SYCP3: variants seen among roughly 807,000 people sequenced by gnomAD.
SYCP3 encodes synaptonemal complex protein 3.
SYCP3 carries 29 observed loss-of-function variants against 38.5 expected under a neutral mutation model. That is an observed-to-expected ratio of 0.75 (90% CI 0.56 to 1.03). SYCP3 has a LOEUF of 1.03. Among genes scored for constraint, SYCP3 ranks in the 50% least tolerant of loss-of-function variants. The pLI, the probability that SYCP3 is intolerant of heterozygous loss-of-function variation, is 0.00. For synonymous variants in SYCP3, 79 were observed against 80.3 expected (o/e 0.98, Z 0.08); for missense variants, 242 against 270.7 (o/e 0.89, Z 0.74).
At chr12:101,735,871 A>ATATATTTTTTTTTTTT in intron 4 of SYCP3, among the ~76,000 whole-genome samples, 1 of 74,788 alleles carries the variant, frequency 1.3e-5, no homozygotes, top group African/African-American at 6.3e-5. Context: ...ATATATATAT[A>ATATATTTTTTTTTTTT]TTTTTTTTTT....
At chr12:101,733,716 A>G in intron 5 of SYCP3, 42 bp from the exon 6 acceptor site, 8 of 1,562,666 alleles carry the variant, frequency 5.1e-6, no homozygotes, top group Non-Finnish European at 7.0e-6. Flanking sequence ...TTTCATACCA[A>G]TATAAAAAGA....
rs1166020415 is a variant in SYCP3 at position 101,737,091 on chromosome 12, T to C, written c.201-20A>G. 1 of 1,613,774 alleles carries C rather than the reference T, an allele frequency of 6.2e-7. No individual in the cohort carries two copies. The highest frequency in any genetic ancestry group is 8.5e-7 in the Non-Finnish European group (1 of 1,179,880). On this transcript the variant is annotated intron_variant, in intron 3 of 8. Coordinates refer to ENST00000392924, the MANE Select transcript of SYCP3 (RefSeq NM_001177949.2). ...TCACCCCTGGAAAGAAATTACATTT[T>C]AAACACTTTAGAAGATCCACAACAT... is the stretch of plus-strand genomic sequence containing the variant.
At chr12:101,739,188 T>A (rs1952611318) in intron 1 of SYCP3, 163 bp downstream of exon 1, 1 of 891,812 alleles carries the variant, frequency 1.1e-6, no homozygotes, top group Non-Finnish European at 1.3e-6. Flanking sequence ...CCGCCCGCTT[T>A]CCACTAGGCC....
chr12:101,735,869 A>ATT (rs1333301972), intron 4 of SYCP3, among the ~76,000 whole-genome samples: 740 of 60,084 alleles, frequency 0.012, 44 homozygotes, highest in Non-Finnish European at 0.017. Flanking sequence ...ATATATATAT[A>ATT]TATTTTTTTT....
At chr12:101,730,379 C>A in intron 7 of SYCP3, 2 of 369,378 alleles carry the variant, frequency 5.4e-6, no homozygotes, top group Non-Finnish European at 1.0e-5. Context: ...AAATCTTTAT[C>A]TAGTACTTTA....
Position 101,737,310 on chromosome 12 carries a change from A to G in SYCP3, c.134-12T>C, listed in dbSNP as rs371816500. 1.3e-6 allele frequency: 2 copies of G among 1,548,510 alleles called. No individual in the cohort carries two copies. Among genetic ancestry groups the G allele is most frequent in the African/African-American group, 3.2e-5 (2 of 61,910 alleles). ...GACTGCAGTCTTCCCTGTATTGACA[A>G]TTAAAAAAAAAAAAAAAAAGCTTTT... On this transcript the variant is annotated splice_polypyrimidine_tract_variant and intron_variant, in intron 2 of 8. Transcript: ENST00000392924.
intron 7 of SYCP3, among the ~76,000 whole-genome samples, chr12:101,731,197 C>A (rs919879414): frequency 1.3e-5 from 2 of 152,046 alleles, no homozygotes; most frequent in Non-Finnish European, 2.9e-5. Flanking sequence ...TGGGTACTTT[C>A]TATTTAACAA....
intron 1 of SYCP3, among the ~76,000 whole-genome samples, chr12:101,738,766 T>C (rs1952579222): frequency 6.6e-6 from 1 of 152,132 alleles, no homozygotes; most frequent in Non-Finnish European, 1.5e-5. Flanking sequence ...AGAATGACAG[T>C]GTCCACCCCG....
intron 4 of SYCP3, among the ~76,000 whole-genome samples, chr12:101,735,871 A>ATATATATCTATATTTTTTTTTTTTT: frequency 1.3e-5 from 1 of 74,790 alleles, no homozygotes; most frequent in Non-Finnish European, 2.5e-5. Flanking sequence ...ATATATATAT[A>ATATATATCTATATTTTTTTTTTTTT]TTTTTTTTTT....
intron 4 of SYCP3, 38 bp from the exon 5 acceptor site, chr12:101,735,082 G>T: frequency 7.1e-7 from 1 of 1,408,116 alleles, no homozygotes; most frequent in South Asian, 1.2e-5. Context: ...ATTTAATGTT[G>T]AAAAAAGTAT....
chr12:101,733,606 T>G lies in SYCP3; in HGVS notation c.422A>C (p.Gln141Pro). 3 of 1,612,666 alleles carry G rather than the reference T, an allele frequency of 1.9e-6. No homozygotes were observed. The highest frequency in any genetic ancestry group is 2.5e-6 in the Non-Finnish European group (3 of 1,179,964). Residue 141 changes from glutamine (Q) to proline (P), a missense_variant, in exon 6 of 9, where the codon CAG becomes CCG. Transcript: ENST00000392924. ...TTTTTCTTCTTGTTCCTCAGCTTTC[T>G]GCATATCTAAATCCCACTGCTGAAA... Reference protein sequence around the residue: ...TLFQQWDLDMQKAEEQEEKIL... With the variant: ...TLFQQWDLDMPKAEEQEEKIL...
intron 1 of SYCP3, 158 bp downstream of exon 1, chr12:101,739,191 ACT>A: frequency 6.1e-6 from 4 of 660,410 alleles, no homozygotes; most frequent in South Asian, 6.9e-5. Context: ...CCCGCTTTCC[ACT>A]AGGCCCTATC....
chr12:101,735,873 T>A (rs189690411), intron 4 of SYCP3, among the ~76,000 whole-genome samples: 4,059 of 58,636 alleles, frequency 0.069, 369 homozygotes, highest in African/African-American at 0.2. Flanking sequence ...ATATATATAT[T>A]TTTTTTTTTT....
At position 101,739,423 on chromosome 12, in the gene SYCP3, C is replaced by G; in HGVS notation, c.-90G>C. On this transcript the variant is annotated 5_prime_UTR_variant, in exon 1 of 9. Coordinates refer to ENST00000392924, the MANE Select transcript of SYCP3 (RefSeq NM_001177949.2). ...GCGTCCTCCACAACTCCTCCACAAG[C>G]GCGCTTCACCTGAGGTGGCCCCTTC... The G allele has an allele frequency of 5.0e-6, 5 of 1,002,766 alleles. No homozygotes were observed. The highest frequency in any genetic ancestry group is 6.0e-6 in the Non-Finnish European group (5 of 830,362). 62.1% of individuals were successfully genotyped at this position (1,002,766 alleles called of 1,614,324 possible).
Position 101,731,579 on chromosome 12 carries a change from G to A in SYCP3, c.541C>T (p.Gln181Ter). 6.2e-7 allele frequency: 1 copy of A among 1,602,598 alleles called. No individual in the cohort carries two copies. The highest frequency in any genetic ancestry group is 1.3e-5 in the African/African-American group (1 of 74,768). Reference protein sequence around the residue: ...RLKTIKQLYEQFIKSMEELEK... With the variant: ...RLKTIKQLYE ...CACATACAACAAACCTTTATGAACT[G>A]CTCATATAACTGTTTAATTGTTTTC... The change falls in exon 7 of 9, where the codon CAG becomes TAG. Residue 181 changes from glutamine to a stop codon, truncating the protein, a stop_gained. Coordinates refer to ENST00000392924, the MANE Select transcript of SYCP3 (RefSeq NM_001177949.2). LOFTEE classifies it high-confidence loss of function.
At chr12:101,730,329 C>T (rs1165159898) in intron 7 of SYCP3, among the ~76,000 whole-genome samples, 1 of 152,006 alleles carries the variant, frequency 6.6e-6, no homozygotes, top group Non-Finnish European at 1.5e-5. Context: ...TACTATAGTT[C>T]CTATCCTAAA....
chr12:101,737,700 C>T (rs1345861740), intron 2 of SYCP3, 103 bp downstream of exon 2: 49 of 1,527,066 alleles, frequency 3.2e-5, no homozygotes, highest in Non-Finnish European at 9.0e-6. Context: ...GGAGGGAAGA[C>T]CATACCTGAA....
chr12:101,736,252 T>C (rs1432729685), intron 4 of SYCP3, among the ~76,000 whole-genome samples: 1 of 152,164 alleles, frequency 6.6e-6, no homozygotes, highest in Non-Finnish European at 1.5e-5. Context: ...CTTTATCTTA[T>C]GGATCTACCA....
chr12:101,738,855 T>C (rs1293645325), intron 1 of SYCP3, among the ~76,000 whole-genome samples: 1 of 152,226 alleles, frequency 6.6e-6, no homozygotes. Context: ...TGCCAGATTC[T>C]GGCTAAATCT....
Sources: gnomAD v4.1 joint callset for allele counts (sites outside exome capture counted in the v4.1 genomes callset) on GRCh38, gnomAD v4.1.1 for gene constraint, MANE v1.5 for transcripts, NCBI Gene and HGNC (gene_info 2026-07-23, HGNC 2026-07-21) for gene names.